Variants in DLGAP1 observed in about 807,000 individuals in gnomAD.
The protein encoded by DLGAP1 is disks large-associated protein 1.
A neutral mutation model predicts 90.8 loss-of-function variants in DLGAP1; 11 were observed. The ratio of observed to expected loss-of-function variants is 0.12; its 90% CI spans 0.08 to 0.20. DLGAP1 has a LOEUF of 0.20. DLGAP1 is among the 10% of genes least tolerant of loss of function. The probability of loss-of-function intolerance (pLI) is 1.00; values close to 1 mark genes in which losing one functional copy is unlikely to be tolerated. For missense variants in DLGAP1, 1,050 were observed against 1,333.8 expected, an observed-to-expected ratio of 0.79 and a Z score of 3.31; for synonymous variants, 558 against 540.7, an observed-to-expected ratio of 1.03 and a Z score of -0.44.
At chr18:4,052,062 C>T (rs2075141535) in intron 2 of DLGAP1, among the ~76,000 whole-genome samples, 1 of 152,210 alleles carries the variant, frequency 6.6e-6, no homozygotes. Context: ...CAGCTCCCAT[C>T]CTGGCTGCTT....
chr18:3,951,666 G>A (rs549679774), intron 3 of DLGAP1, among the ~76,000 whole-genome samples: 5 of 152,258 alleles, frequency 3.3e-5, no homozygotes, highest in South Asian at 4.1e-4. Flanking sequence ...CTACGTGTTG[G>A]GAGAGGGACC....
intron 2 of DLGAP1, among the ~76,000 whole-genome samples, chr18:4,143,739 G>A (rs942528620): frequency 7.9e-5 from 12 of 152,066 alleles, no homozygotes; most frequent in African/African-American, 2.7e-4. Context: ...TGTGCATCCA[G>A]CATGGCTCTG....
intron 1 of DLGAP1, among the ~76,000 whole-genome samples, chr18:4,187,938 C>T (rs2077328054): frequency 6.6e-6 from 1 of 152,056 alleles, no homozygotes; most frequent in African/African-American, 2.4e-5. Flanking sequence ...GCAGAGGTTG[C>T]AATGAGCAGA....
chr18:4,403,537 T>G (rs978409666), intron 1 of DLGAP1, among the ~76,000 whole-genome samples: 3 of 152,156 alleles, frequency 2.0e-5, no homozygotes, highest in Non-Finnish European at 4.4e-5. Flanking sequence ...TGCTTTAAAT[T>G]ACGCACAAAA....
At chr18:4,079,294 C>CACAA (rs2075569752) in intron 2 of DLGAP1, among the ~76,000 whole-genome samples, 1 of 25,646 alleles carries the variant, frequency 3.9e-5, no homozygotes, top group South Asian at 6.8e-4. Context: ...ATGTCACACA[C>CACAA]ACACACACAC....
At chr18:4,229,148 T>C (rs186609178) in intron 1 of DLGAP1, among the ~76,000 whole-genome samples, 15 of 151,908 alleles carry the variant, frequency 9.9e-5, no homozygotes, top group Admixed American at 9.9e-4. Flanking sequence ...AGATCTATAA[T>C]GAAAACTATG....
chr18:3,606,025 A>AG (rs1284540981), intron 7 of DLGAP1, among the ~76,000 whole-genome samples: 1 of 152,228 alleles, frequency 6.6e-6, no homozygotes, highest in East Asian at 1.9e-4. Context: ...AGAAAAAAAA[A>AG]GGTCTCGCTG....
intron 1 of DLGAP1, among the ~76,000 whole-genome samples, chr18:4,391,829 T>C (rs1480621206): frequency 6.6e-6 from 1 of 152,168 alleles, no homozygotes; most frequent in Non-Finnish European, 1.5e-5. Flanking sequence ...GAACAGTAGT[T>C]TACTGTAATG....
intron 6 of DLGAP1, among the ~76,000 whole-genome samples, chr18:3,740,043 A>G (rs958206802): frequency 6.6e-6 from 1 of 152,222 alleles, no homozygotes; most frequent in Admixed American, 6.5e-5. Flanking sequence ...GACTAAAAAC[A>G]GTGAGCTGCA....
chr18:3,924,605 C>T (rs375134435), intron 3 of DLGAP1, among the ~76,000 whole-genome samples: 3 of 152,234 alleles, frequency 2.0e-5, no homozygotes, highest in South Asian at 2.1e-4. Context: ...TTTTTTCAGC[C>T]GTATCCCCAT....
At chr18:3,767,639 T>C (rs950984945) in intron 5 of DLGAP1, among the ~76,000 whole-genome samples, 19 of 152,066 alleles carry the variant, frequency 1.2e-4, no homozygotes, top group African/African-American at 3.4e-4. Flanking sequence ...ATGTAATCTA[T>C]TGATACCATA....
intron 11 of DLGAP1, among the ~76,000 whole-genome samples, chr18:3,508,264 A>G (rs554449579): frequency 1.3e-5 from 2 of 152,354 alleles, no homozygotes; most frequent in Admixed American, 6.5e-5. Flanking sequence ...ATATTTTGAT[A>G]AGAACAATAA....
chr18:3,499,141 G>A lies in DLGAP1; in HGVS notation c.*44C>T, dbSNP rs1161496244. On this transcript the variant is annotated 3_prime_UTR_variant, in exon 13 of 13. Transcript: ENST00000315677. This position sits in a 1 kb window ranked among gnomAD's most constrained non-coding sequence, Gnocchi z 6.4. ...AGCCGGCAGAGGAGCGGCCGGGGGAGGAGGGGACAGATGCTTGGCGGCGGC... is the reference window on the plus strand; with the variant it reads ...AGCCGGCAGAGGAGCGGCCGGGGGAAGAGGGGACAGATGCTTGGCGGCGGC... The A allele has an allele frequency of 1.3e-6, 2 of 1,486,182 alleles. No individual in the cohort carries two copies. The highest frequency in any genetic ancestry group is 5.2e-5 in the East Asian group (2 of 38,276). 92.1% of individuals were successfully genotyped at this position (1,486,182 alleles called of 1,614,324 possible). A position where few individuals can be genotyped will look rare whatever the true frequency, so the allele number is the denominator to read the frequency against.
At chr18:4,449,844 GGA>G (rs1190476097) in intron 1 of DLGAP1, among the ~76,000 whole-genome samples, 2 of 152,150 alleles carry the variant, frequency 1.3e-5, no homozygotes, top group African/African-American at 4.8e-5. Flanking sequence ...AGCATTCCAA[GGA>G]GAGGGGGAAA....
chr18:3,830,810 G>C (rs1245144178), intron 4 of DLGAP1, among the ~76,000 whole-genome samples: 1 of 151,994 alleles, frequency 6.6e-6, no homozygotes, highest in Admixed American at 6.6e-5. Context: ...TTGAGAGGAG[G>C]GATGATGTCA....
intron 3 of DLGAP1, among the ~76,000 whole-genome samples, chr18:3,926,650 A>G (rs911380999): frequency 1.3e-5 from 2 of 151,642 alleles, no homozygotes; most frequent in African/African-American, 4.9e-5. Context: ...CTATATATCT[A>G]TAGGTATAAA....
chr18:3,777,994 GTTC>G (rs1373434488), intron 5 of DLGAP1, among the ~76,000 whole-genome samples: 3 of 152,128 alleles, frequency 2.0e-5, no homozygotes, highest in Admixed American at 1.3e-4. Context: ...TCTCACATCT[GTTC>G]TTCTGTTTTT....
In DLGAP1 at chr18:4,005,148, T is replaced by A. The variant is rs2074276936; in HGVS notation, c.-105A>T. 1 of 152,168 alleles carries A rather than the reference T, an allele frequency of 6.6e-6. No individual in the cohort carries two copies. Among genetic ancestry groups the A allele is most frequent in the South Asian group, 2.1e-4 (1 of 4,816 alleles). The allele number at this position is 152,168 out of a possible 1,614,324, so 9.4% of individuals were successfully genotyped here. A position where few individuals can be genotyped will look rare whatever the true frequency, so the allele number is the denominator to read the frequency against. ...AGCGCCGTTGTCATTCAATCAGGAATTCTCTCGAGCAGACCCTCTAGTGGC... is the reference window on the plus strand; with the variant it reads ...AGCGCCGTTGTCATTCAATCAGGAAATCTCTCGAGCAGACCCTCTAGTGGC... On this transcript the variant is annotated 5_prime_UTR_variant, in exon 3 of 13. Coordinates refer to ENST00000315677, the MANE Select transcript of DLGAP1 (RefSeq NM_004746.4).
chr18:4,400,048 T>C (rs2082520456), intron 1 of DLGAP1, among the ~76,000 whole-genome samples: 1 of 152,032 alleles, frequency 6.6e-6, no homozygotes, highest in Non-Finnish European at 1.5e-5. Flanking sequence ...TGCACCACTC[T>C]TGAAGGCAGC....
Sources: gnomAD v4.1 joint callset for allele counts (sites outside exome capture counted in the v4.1 genomes callset) on GRCh38, gnomAD v4.1.1 for gene constraint, Gnocchi (gnomAD v3.1) non-coding constraint, MANE v1.5 for transcripts, NCBI Gene and HGNC (gene_info 2026-07-23, HGNC 2026-07-21) for gene names.